The following MACROD1 variants were observed in gnomAD, a reference collection of about 807,000 sequenced individuals.
MACROD1 encodes the protein mono-ADP ribosylhydrolase 1.
Under a neutral mutation model 41.4 loss-of-function variants are expected in MACROD1, and 31 were observed. The observed-to-expected ratio is 0.75, with a 90% CI of 0.56 to 1.01. The LOEUF (loss-of-function observed/expected upper bound fraction) is 1.01. Among genes scored for constraint, MACROD1 ranks in the 50% least tolerant of loss-of-function variants. The pLI is 0.00. For synonymous variants in MACROD1, 252 were observed against 203.4 expected, an observed-to-expected ratio of 1.24 and a Z score of -2.03; for missense variants, 473 against 460.0, an observed-to-expected ratio of 1.03 and a Z score of -0.26.
intron 1 of MACROD1, among the ~76,000 whole-genome samples, chr11:64,156,273 C>T (rs573189717): frequency 6.6e-6 from 1 of 152,304 alleles, no homozygotes; most frequent in Middle Eastern, 3.4e-3. Flanking sequence ...AGAGCGAGAC[C>T]TTGTCTCTAA....
intron 3 of MACROD1, among the ~76,000 whole-genome samples, chr11:64,084,412 T>C (rs1036310040): frequency 1.3e-5 from 2 of 151,898 alleles, no homozygotes; most frequent in African/African-American, 4.8e-5. Context: ...TGCCTACCTT[T>C]CCCGCGAAGC....
At chr11:64,041,676 A>C (rs762582343) in intron 3 of MACROD1, among the ~76,000 whole-genome samples, 13 of 152,130 alleles carry the variant, frequency 8.5e-5, no homozygotes, top group Admixed American at 2.6e-4. Context: ...CCTGCCCATC[A>C]GGATTCCTAG....
At chr11:64,098,894 T>C (rs1327196076) in intron 3 of MACROD1, among the ~76,000 whole-genome samples, 1 of 152,166 alleles carries the variant, frequency 6.6e-6, no homozygotes, top group African/African-American at 2.4e-5. Flanking sequence ...TAATGACACA[T>C]ACATAAAAAT....
At chr11:64,015,974 G>A (rs1238124277) in intron 3 of MACROD1, among the ~76,000 whole-genome samples, 1 of 152,216 alleles carries the variant, frequency 6.6e-6, no homozygotes, top group Non-Finnish European at 1.5e-5. Flanking sequence ...TGGGAGAATA[G>A]CCCCACCTCA....
intron 3 of MACROD1, among the ~76,000 whole-genome samples, chr11:64,131,680 T>C (rs750347356): frequency 3.9e-5 from 6 of 152,144 alleles, no homozygotes; most frequent in Non-Finnish European, 8.8e-5. Context: ...GAGCAGAGAC[T>C]ACCCTGTTTC....
At chr11:64,039,134 T>C (rs1943437203) in intron 3 of MACROD1, among the ~76,000 whole-genome samples, 2 of 152,056 alleles carry the variant, frequency 1.3e-5, no homozygotes, top group African/African-American at 4.8e-5. Flanking sequence ...CAAGGGGCAG[T>C]GGGAAATGCC....
chr11:64,021,955 GA>G (rs1435129448), intron 3 of MACROD1, among the ~76,000 whole-genome samples: 1 of 43,090 alleles, frequency 2.3e-5, no homozygotes, highest in Non-Finnish European at 5.8e-5. Context: ...GGGGGGGTGT[GA>G]GGTGGCGGCG....
chr11:64,001,255 C>A, intron 4 of MACROD1: 1 of 609,238 alleles, frequency 1.6e-6, no homozygotes, highest in South Asian at 1.9e-5. Flanking sequence ...GATCCTGCCC[C>A]TTCCCCTCTC....
intron 4 of MACROD1, among the ~76,000 whole-genome samples, chr11:64,007,787 A>G (rs1942937859): frequency 6.6e-6 from 1 of 152,124 alleles, no homozygotes; most frequent in African/African-American, 2.4e-5. Flanking sequence ...AACACCCACC[A>G]GACTGGCACA....
At chr11:64,022,703 C>G (rs887131008) in intron 3 of MACROD1, among the ~76,000 whole-genome samples, 4 of 152,140 alleles carry the variant, frequency 2.6e-5, no homozygotes, top group Admixed American at 2.6e-4. Context: ...CTCTGTCCCC[C>G]CAGGCCAAGG....
chr11:64,080,414 G>GT (rs965785849), intron 3 of MACROD1, among the ~76,000 whole-genome samples: 5 of 152,066 alleles, frequency 3.3e-5, no homozygotes, highest in African/African-American at 9.7e-5. Flanking sequence ...AATTCAGCGG[G>GT]TTTTTTTGTG....
intron 3 of MACROD1, chr11:64,118,977 C>T (rs1304113238): frequency 1.2e-5 from 2 of 167,006 alleles, no homozygotes; most frequent in Non-Finnish European, 2.9e-5. Context: ...CTCTTCAGTT[C>T]CATGCACCAC....
intron 3 of MACROD1, among the ~76,000 whole-genome samples, chr11:64,080,770 C>T (rs1944289132): frequency 6.6e-6 from 1 of 152,120 alleles, no homozygotes. Flanking sequence ...GCTTTTAGAG[C>T]CAGTGGTGCT....
intron 1 of MACROD1, among the ~76,000 whole-genome samples, chr11:64,152,651 T>C (rs1945599728): frequency 6.6e-6 from 1 of 152,204 alleles, no homozygotes. Context: ...ACCTGGGTTG[T>C]GATGAATTCA....
At chr11:64,093,402 G>A (rs937207039) in intron 3 of MACROD1, among the ~76,000 whole-genome samples, 3 of 152,236 alleles carry the variant, frequency 2.0e-5, no homozygotes, top group Non-Finnish European at 2.9e-5. Context: ...GAGGGCAAGG[G>A]CTGAGTGAGC....
chr11:64,163,203 G>A (rs1260053219), intron 1 of MACROD1, among the ~76,000 whole-genome samples: 1 of 152,140 alleles, frequency 6.6e-6, no homozygotes, highest in Non-Finnish European at 1.5e-5. Context: ...TACTCAGGAG[G>A]CTGAGGCAGG....
intron 4 of MACROD1, among the ~76,000 whole-genome samples, chr11:64,014,855 T>C (rs781395711): frequency 6.6e-5 from 10 of 152,162 alleles, no homozygotes; most frequent in Non-Finnish European, 1.3e-4. Flanking sequence ...GTGAGACCTG[T>C]CCTGGCTGCG....
chr11:64,165,572 G>C (rs899306221), intron 1 of MACROD1, 125 bp downstream of exon 1: 2 of 846,244 alleles, frequency 2.4e-6, no homozygotes, highest in African/African-American at 3.6e-5. Flanking sequence ...TTCCAGGGCA[G>C]ATGGGGCCTC....
In MACROD1 at chr11:64,036,977, A is replaced by G. The variant is rs11826951; in HGVS notation, c.518-21696T>C. On this transcript the variant is annotated intron_variant, in intron 3 of 10. Transcript: ENST00000255681. This position sits in a 1 kb window ranked among gnomAD's most constrained non-coding sequence, Gnocchi z 5.6. ...TCCCCGAGGAGGAGAAAGTTGTGGA[A>G]CAGGGACACCAGGGAGCTGCCACAG... Among the ~76,000 whole-genome samples the G allele has an allele frequency of 0.035, 5,378 of 152,282 alleles. 308 individuals are homozygous for G. The highest frequency in any genetic ancestry group is 0.12 in the African/African-American group (5,042 of 41,552).
Sources: gnomAD v4.1 joint callset for allele counts (sites outside exome capture counted in the v4.1 genomes callset) on GRCh38, gnomAD v4.1.1 for gene constraint, Gnocchi (gnomAD v3.1) non-coding constraint, MANE v1.5 for transcripts, NCBI Gene and HGNC (gene_info 2026-07-23, HGNC 2026-07-21) for gene names.